The following ADAMTS17 variants were observed in gnomAD, a reference collection of about 807,000 sequenced individuals.
The protein encoded by ADAMTS17 is A disintegrin and metalloproteinase with thrombospondin motifs 17.
In ADAMTS17, 113 loss-of-function variants were observed where a neutral mutation model predicts 141.5. That is an observed-to-expected ratio of 0.80 (90% CI 0.69 to 0.93). The LOEUF is 0.93. Ranked by LOEUF, ADAMTS17 falls within the 40% of genes least tolerant of loss-of-function variation. ADAMTS17 has a pLI of 0.00. For missense variants in ADAMTS17, 1,659 were observed against 1,517.9 expected (o/e 1.09, Z -1.54); for synonymous variants, 768 against 630.6 (o/e 1.22, Z -3.27).
chr15:100,189,536 A>C (rs2040842578), intron 8 of ADAMTS17, among the ~76,000 whole-genome samples: 1 of 152,174 alleles, frequency 6.6e-6, no homozygotes, highest in African/African-American at 2.4e-5. Context: ...CCACAGACTC[A>C]CTAGGTGTCA....
At chr15:99,976,273 G>A in intron 20 of ADAMTS17, 51 bp from the exon 21 acceptor site, 1 of 1,530,928 alleles carries the variant, frequency 6.5e-7, no homozygotes, top group East Asian at 2.5e-5. Flanking sequence ...CAAGGGACTG[G>A]GATGATGGCC....
chr15:100,172,596 T>C (rs1480389712), intron 8 of ADAMTS17, among the ~76,000 whole-genome samples: 1 of 152,170 alleles, frequency 6.6e-6, no homozygotes, highest in African/African-American at 2.4e-5. Flanking sequence ...TAGTTACCTG[T>C]TCCTAACCAT....
At chr15:100,128,581 C>G (rs553691971) in intron 12 of ADAMTS17, 26 of 152,230 alleles carry the variant, frequency 1.7e-4, no homozygotes, top group African/African-American at 6.3e-4. Context: ...AGAACAGCCA[C>G]GACTATCATG....
At chr15:100,214,887 G>T (rs1259477323) in intron 7 of ADAMTS17, among the ~76,000 whole-genome samples, 1 of 152,240 alleles carries the variant, frequency 6.6e-6, no homozygotes, top group Non-Finnish European at 1.5e-5. Context: ...GTAAAGCTTT[G>T]CTGTTGCACT....
chr15:100,261,746 ATT>A, intron 5 of ADAMTS17, 110 bp from the exon 6 acceptor site: 1 of 1,265,268 alleles, frequency 7.9e-7, no homozygotes, highest in Non-Finnish European at 1.1e-6. Context: ...CTGAGACATC[ATT>A]TGATGACTCA....
At chr15:100,118,530 A>G (rs941919994) in intron 12 of ADAMTS17, among the ~76,000 whole-genome samples, 1 of 152,222 alleles carries the variant, frequency 6.6e-6, no homozygotes, top group African/African-American at 2.4e-5. Context: ...AGGTTTATGG[A>G]ATCTGAGAAC....
At chr15:100,244,284 T>C (rs2042919091) in intron 7 of ADAMTS17, among the ~76,000 whole-genome samples, 1 of 151,160 alleles carries the variant, frequency 6.6e-6, no homozygotes, top group Non-Finnish European at 1.5e-5. Context: ...TAGATGAGAT[T>C]TGGGTGGGGA....
At chr15:100,095,373 C>T (rs1371163535) in intron 15 of ADAMTS17, among the ~76,000 whole-genome samples, 3 of 152,168 alleles carry the variant, frequency 2.0e-5, no homozygotes, top group East Asian at 1.9e-4. Context: ...CTAGAAGGAA[C>T]GTTTCTTCCA....
chr15:100,051,437 T>C, intron 17 of ADAMTS17, 135 bp downstream of exon 17: 3 of 1,287,368 alleles, frequency 2.3e-6, no homozygotes, highest in Non-Finnish European at 2.2e-6. Flanking sequence ...AGAGAGATTT[T>C]CGGTGGGATA....
At chr15:100,232,758 CA>C (rs2042525779) in intron 7 of ADAMTS17, among the ~76,000 whole-genome samples, 1 of 152,178 alleles carries the variant, frequency 6.6e-6, no homozygotes, top group Non-Finnish European at 1.5e-5. Context: ...ACACCCTGCC[CA>C]GGCCCTCCTC....
Position 100,308,512 on chromosome 15 carries a change from C to G in ADAMTS17, c.616+22377G>C, listed in dbSNP as rs1278408339. Among the ~76,000 whole-genome samples the G allele has an allele frequency of 2.0e-5, 3 of 152,254 alleles. No homozygotes were observed. The South Asian group carries it at 6.2e-4, about 32-fold the overall frequency. ...TTCTTGCTACAACTTGAACAGCTTC[C>G]TTTTTTTGCTATTGCTAAATGCTTT... On this transcript the variant is annotated intron_variant, in intron 3 of 21. Coordinates refer to ENST00000268070, the MANE Select transcript of ADAMTS17 (RefSeq NM_139057.4).
chr15:100,206,995 C>T (rs552483773), intron 7 of ADAMTS17, among the ~76,000 whole-genome samples: 19 of 152,310 alleles, frequency 1.2e-4, no homozygotes, highest in East Asian at 5.8e-4. Flanking sequence ...AGAGCAAATA[C>T]GTGCATTTTA....
rs954512828 is a variant in ADAMTS17 at position 99,974,210 on chromosome 15, A to G, written c.*192T>C. 2 of 677,338 alleles carry G rather than the reference A, an allele frequency of 3.0e-6. No homozygotes were observed. The highest frequency in any genetic ancestry group is 2.5e-5 in the Admixed American group (1 of 39,866). The allele number at this position is 677,338 out of a possible 1,614,324, so 42.0% of individuals were successfully genotyped here. On this transcript the variant is annotated 3_prime_UTR_variant, in exon 22 of 22. Transcript: ENST00000268070. Reference sequence around the variant, plus strand: ...TGCCTACTTTCTCCTCACTGTAGAAAGCCAGCCAGTGGCTGTTAACAATAT... The same window carrying G: ...TGCCTACTTTCTCCTCACTGTAGAAGGCCAGCCAGTGGCTGTTAACAATAT...
chr15:100,206,545 C>T (rs973687810), intron 7 of ADAMTS17, among the ~76,000 whole-genome samples: 2 of 152,340 alleles, frequency 1.3e-5, no homozygotes, highest in Middle Eastern at 3.4e-3. Flanking sequence ...TGACAGCTTT[C>T]AGCCTCCTCT....
chr15:100,258,311 T>A (rs560454358), intron 6 of ADAMTS17, among the ~76,000 whole-genome samples: 1 of 152,338 alleles, frequency 6.6e-6, no homozygotes, highest in Non-Finnish European at 1.5e-5. Flanking sequence ...CTATTGTGGC[T>A]GTACCATTTT....
intron 15 of ADAMTS17, among the ~76,000 whole-genome samples, chr15:100,084,617 CA>C (rs773972371): frequency 1.5e-4 from 23 of 152,208 alleles, no homozygotes; most frequent in Non-Finnish European, 2.6e-4. Context: ...TGACACCTCA[CA>C]CGACTGGGTA....
chr15:100,172,510 C>T (rs1267426911), intron 8 of ADAMTS17, among the ~76,000 whole-genome samples: 1 of 152,176 alleles, frequency 6.6e-6, no homozygotes, highest in East Asian at 1.9e-4. Context: ...TGGTCACCTG[C>T]TCCATCCTGA....
intron 3 of ADAMTS17, among the ~76,000 whole-genome samples, chr15:100,311,804 C>T (rs1232742299): frequency 6.7e-6 from 1 of 149,754 alleles, no homozygotes; most frequent in African/African-American, 2.5e-5. Flanking sequence ...TCAGAGAGAA[C>T]ATGTCCAACA....
intron 8 of ADAMTS17, among the ~76,000 whole-genome samples, chr15:100,173,965 C>T (rs1365042369): frequency 6.6e-6 from 1 of 152,234 alleles, no homozygotes; most frequent in African/African-American, 2.4e-5. Flanking sequence ...AGAGCCGCAG[C>T]TTTCTCCTAC....
Sources: gnomAD v4.1 joint callset for allele counts (sites outside exome capture counted in the v4.1 genomes callset) on GRCh38, gnomAD v4.1.1 for gene constraint, MANE v1.5 for transcripts, NCBI Gene and HGNC (gene_info 2026-07-23, HGNC 2026-07-21) for gene names.